Variants in FHDC1 observed in about 807,000 individuals in gnomAD.
FHDC1 encodes the protein FH2 domain-containing protein 1.
A neutral mutation model predicts 52.6 loss-of-function variants in FHDC1; 25 were observed. The observed-to-expected ratio is 0.48, with a 90% CI of 0.35 to 0.66. The LOEUF (loss-of-function observed/expected upper bound fraction) is 0.66. Among genes scored for constraint, FHDC1 ranks in the 30% least tolerant of loss-of-function variants. The pLI, the probability that FHDC1 is intolerant of heterozygous loss-of-function variation, is 0.01. For missense variants in FHDC1, 1,459 were observed against 1,452.8 expected (o/e 1.00, Z -0.07); for synonymous variants, 616 against 581.5 (o/e 1.06, Z -0.85).
At chr4:152,953,824 G>A (rs1230330784) in intron 3 of FHDC1, among the ~76,000 whole-genome samples, 1 of 152,282 alleles carries the variant, frequency 6.6e-6, no homozygotes, top group Non-Finnish European at 1.5e-5. Flanking sequence ...GTCACCTTTA[G>A]TGTTGCCCCT....
the FHDC1 span, among the ~76,000 whole-genome samples, chr4:152,915,274 A>G: frequency 5.5e-3 from 836 of 152,214 alleles, 7 homozygotes; most frequent in African/African-American, 0.018. Context: ...GCTCAGGCCC[A>G]GCTAAGTTTT....
intron 4 of FHDC1, among the ~76,000 whole-genome samples, chr4:152,959,360 CT>C (rs1376844126): frequency 1.3e-5 from 2 of 152,226 alleles, no homozygotes; most frequent in Non-Finnish European, 2.9e-5. Context: ...TTCATCTCCA[CT>C]CTCACCTATT....
At chr4:152,943,594 G>A in intron 2 of FHDC1, 39 bp downstream of exon 2, 1 of 1,568,492 alleles carries the variant, frequency 6.4e-7, no homozygotes, top group East Asian at 2.2e-5. Context: ...TCCACACACT[G>A]CATTGTTTTG....
chr4:152,973,241 G>C (rs193193279), intron 11 of FHDC1, among the ~76,000 whole-genome samples: 2 of 152,166 alleles, frequency 1.3e-5, no homozygotes, highest in Non-Finnish European at 2.9e-5. Context: ...CCTTCATTTC[G>C]GGTGGTGTTG....
chr4:152,964,132 C>T (rs528285550), intron 8 of FHDC1, among the ~76,000 whole-genome samples: 1 of 152,128 alleles, frequency 6.6e-6, no homozygotes, highest in African/African-American at 2.4e-5. Context: ...ATAACTTACC[C>T]CAAAACTAGG....
At position 152,975,096 on chromosome 4, in the gene FHDC1, C is replaced by T; in HGVS notation, c.1805C>T (p.Pro602Leu). The T allele has an allele frequency of 6.2e-7, 1 of 1,612,762 alleles. No individual in the cohort carries two copies. The highest frequency in any genetic ancestry group is 8.5e-7 in the Non-Finnish European group (1 of 1,179,952). ...RHQDSSFAHK[P>L]QASGGQEEAP... ...CAGGACTCCAGCTTTGCACACAAACCTCAGGCCTCGGGGGGCCAGGAGGAG... is the reference window on the plus strand; with the variant it reads ...CAGGACTCCAGCTTTGCACACAAACTTCAGGCCTCGGGGGGCCAGGAGGAG... Residue 602 changes from proline to leucine, a missense_variant, in exon 12 of 12, where the codon CCT (proline) becomes CTT (leucine). Physicochemically the swap from Pro to Leu is moderately conservative, Grantham distance 98. This residue lies in a region of FHDC1 where 939 missense variants were observed against 854.5 expected (regional missense o/e 1.10). Transcript: ENST00000511601.
intron 4 of FHDC1, among the ~76,000 whole-genome samples, chr4:152,956,692 C>T (rs187808717): frequency 4.4e-4 from 67 of 152,236 alleles, no homozygotes; most frequent in African/African-American, 1.6e-3. Context: ...GGCCTGGGAC[C>T]CTGAAGTGCC....
At chr4:152,952,685 A>G (rs1739963329) in intron 2 of FHDC1, among the ~76,000 whole-genome samples, 1 of 152,236 alleles carries the variant, frequency 6.6e-6, no homozygotes, top group African/African-American at 2.4e-5. Flanking sequence ...ATGCAATTTT[A>G]TGTAAGACTT....
At chr4:152,926,267 GACAC>G in the FHDC1 span, among the ~76,000 whole-genome samples, 106 of 144,538 alleles carry the variant, frequency 7.3e-4, 1 homozygote, top group African/African-American at 2.1e-3. Context: ...TTAAAATACA[GACAC>G]ACACACACAC....
chr4:152,928,998 T>A, the FHDC1 span, among the ~76,000 whole-genome samples: 1 of 152,086 alleles, frequency 6.6e-6, no homozygotes, highest in South Asian at 2.1e-4. Context: ...AAAGTTTATT[T>A]TGCTAAGGTT....
upstream of FHDC1, among the ~76,000 whole-genome samples, chr4:152,932,087 C>A (rs1739263544): frequency 6.6e-6 from 1 of 151,572 alleles, no homozygotes; most frequent in South Asian, 2.1e-4. Context: ...TCTTAGCCTT[C>A]AAAAATGAAG....
chr4:152,949,103 T>C (rs909767646), intron 2 of FHDC1, among the ~76,000 whole-genome samples: 4 of 61,016 alleles, frequency 6.6e-5, no homozygotes, highest in Non-Finnish European at 1.2e-4. Context: ...ATAATAATAA[T>C]AATAATAATA....
intron 1 of FHDC1, among the ~76,000 whole-genome samples, chr4:152,939,724 C>T (rs1739523618): frequency 6.6e-6 from 1 of 152,140 alleles, no homozygotes; most frequent in South Asian, 2.1e-4. Context: ...CTTGAGGAGA[C>T]ATTCCCATCT....
chr4:152,974,522 G>A (rs1245168819), intron 11 of FHDC1, among the ~76,000 whole-genome samples, 153 bp from the exon 12 acceptor site: 1 of 152,084 alleles, frequency 6.6e-6, no homozygotes, highest in Non-Finnish European at 1.5e-5. Context: ...ACACATGCAT[G>A]TGCACACACA....
chr4:152,925,961 G>A, the FHDC1 span, among the ~76,000 whole-genome samples: 1 of 151,992 alleles, frequency 6.6e-6, no homozygotes, highest in South Asian at 2.1e-4. Context: ...AGGAGTTTAA[G>A]ACCTGAGATG....
chr4:152,964,583 A>G (rs1740402760), intron 8 of FHDC1, among the ~76,000 whole-genome samples: 1 of 152,236 alleles, frequency 6.6e-6, no homozygotes, highest in Admixed American at 6.5e-5. Flanking sequence ...ATTTAAAGGC[A>G]TGCTCACAGG....
At chr4:152,961,947 G>A (rs1240101690) in intron 6 of FHDC1, among the ~76,000 whole-genome samples, 1 of 152,060 alleles carries the variant, frequency 6.6e-6, no homozygotes, top group Non-Finnish European at 1.5e-5. Flanking sequence ...TTTCTTATCT[G>A]GTCATCCTTC....
Position 152,975,438 on chromosome 4 carries a change from C to A in FHDC1, c.2147C>A (p.Ser716Tyr). 1.2e-6 allele frequency: 2 copies of A among 1,613,478 alleles called. No individual in the cohort carries two copies. Among genetic ancestry groups the A allele is most frequent in the Admixed American group, 3.3e-5 (2 of 60,030 alleles). The change falls in exon 12 of 12, where the codon TCC (serine) becomes TAC (tyrosine). Residue 716 changes from serine to tyrosine, a missense_variant. Transcript: ENST00000511601. ...LESVGHRGPQSLSASSSSLTP... is the reference protein window; with the variant it reads ...LESVGHRGPQYLSASSSSLTP... Reference sequence around the variant, plus strand: ...TCTGTGGGGCATAGGGGCCCGCAGTCCCTCAGTGCCAGCAGCAGCAGCCTG... The same window carrying A: ...TCTGTGGGGCATAGGGGCCCGCAGTACCTCAGTGCCAGCAGCAGCAGCCTG...
chr4:152,953,464 T>G (rs772140929), intron 2 of FHDC1, 35 bp from the exon 3 acceptor site: 1 of 1,539,492 alleles, frequency 6.5e-7, no homozygotes, highest in South Asian at 1.1e-5. Flanking sequence ...TTATTTGAAT[T>G]TAGTAATCCT....
Sources: gnomAD v4.1 joint callset for allele counts (sites outside exome capture counted in the v4.1 genomes callset) on GRCh38, gnomAD v4.1.1 for gene constraint, gnomAD v4.1.1 regional missense constraint, MANE v1.5 for transcripts, NCBI Gene and HGNC (gene_info 2026-07-23, HGNC 2026-07-21) for gene names.